CCNY: variants seen among roughly 807,000 people sequenced by gnomAD.
CCNY encodes cyclin Y.
A neutral mutation model predicts 42.8 loss-of-function variants in CCNY; 19 were observed. The observed-to-expected ratio is 0.44, with a 90% CI of 0.31 to 0.65. CCNY has a LOEUF of 0.65. Among genes scored for constraint, CCNY ranks in the 30% least tolerant of loss-of-function variants. The pLI is 0.07. For synonymous variants in CCNY, 165 were observed against 162.7 expected, an observed-to-expected ratio of 1.01 and a Z score of -0.11; for missense variants, 370 against 437.3, an observed-to-expected ratio of 0.85 and a Z score of 1.37.
chr10:35,498,121 C>G (rs376057413), intron 2 of CCNY, among the ~76,000 whole-genome samples: 21 of 152,148 alleles, frequency 1.4e-4, no homozygotes, highest in Admixed American at 7.2e-4. Flanking sequence ...CTTTATCCCC[C>G]CATTCACAAA....
At chr10:35,516,166 C>G (rs1320775157) in intron 3 of CCNY, among the ~76,000 whole-genome samples, 1 of 152,202 alleles carries the variant, frequency 6.6e-6, no homozygotes, top group Non-Finnish European at 1.5e-5. Context: ...AGGCCACCAT[C>G]TAAATTGCAG....
chr10:35,263,376 A>T (rs1005065620), intron 3 of CCNY, among the ~76,000 whole-genome samples: 2 of 149,588 alleles, frequency 1.3e-5, no homozygotes, highest in Non-Finnish European at 3.0e-5. Flanking sequence ...AAAAAAAAAA[A>T]AAAAAAAATT....
At chr10:35,370,175 G>A (rs865962180) in intron 1 of CCNY, among the ~76,000 whole-genome samples, 2 of 148,700 alleles carry the variant, frequency 1.3e-5, no homozygotes, top group South Asian at 2.1e-4. Flanking sequence ...TTTTTGAGAC[G>A]GAGTCTCACA....
At chr10:35,399,354 A>G (rs1205215190) in intron 1 of CCNY, among the ~76,000 whole-genome samples, 1 of 94,172 alleles carries the variant, frequency 1.1e-5, no homozygotes, top group Admixed American at 1.1e-4. Flanking sequence ...CTTCTCGGGG[A>G]CTGGTGTCTT....
intron 1 of CCNY, among the ~76,000 whole-genome samples, chr10:35,442,243 A>C (rs1838687286): frequency 6.6e-6 from 1 of 152,168 alleles, no homozygotes; most frequent in African/African-American, 2.4e-5. Context: ...CCAAGGGCTT[A>C]TGGTGGTGGT....
intron 3 of CCNY, among the ~76,000 whole-genome samples, chr10:35,260,018 A>T (rs867846215): frequency 1.3e-5 from 2 of 152,136 alleles, no homozygotes; most frequent in Non-Finnish European, 1.5e-5. Flanking sequence ...TACCAGGGCC[A>T]GAGAAAGCAC....
intron 1 of CCNY, among the ~76,000 whole-genome samples, chr10:35,397,873 A>G (rs967019914): frequency 5.9e-5 from 9 of 152,154 alleles, no homozygotes; most frequent in Non-Finnish European, 1.3e-4. Flanking sequence ...GAGGACCTTA[A>G]ATTGCCAGTT....
intron 7 of CCNY, among the ~76,000 whole-genome samples, chr10:35,538,063 C>T (rs576333614): frequency 2.2e-4 from 34 of 152,220 alleles, no homozygotes; most frequent in Admixed American, 1.4e-3. Context: ...ATAAGTCTTA[C>T]GAGATCTGAT....
chr10:35,557,660 G>A (rs1334360840), intron 8 of CCNY, among the ~76,000 whole-genome samples: 3 of 152,194 alleles, frequency 2.0e-5, no homozygotes, highest in Admixed American at 2.0e-4. Flanking sequence ...GGAGGCTGAG[G>A]CAGGAGAATC....
intron 3 of CCNY, among the ~76,000 whole-genome samples, chr10:35,299,084 G>T (rs1444258493): frequency 6.6e-6 from 1 of 152,206 alleles, no homozygotes; most frequent in Non-Finnish European, 1.5e-5. Context: ...CAGCAGTGTA[G>T]AAGAGTTCCA....
At chr10:35,254,146 G>A (rs2095713938) in intron 3 of CCNY, among the ~76,000 whole-genome samples, 1 of 152,048 alleles carries the variant, frequency 6.6e-6, no homozygotes, top group African/African-American at 2.4e-5. Flanking sequence ...CAAAGTGCTG[G>A]GATTACAGGC....
chr10:35,567,997 GC>G (rs1554802798), intron 9 of CCNY, among the ~76,000 whole-genome samples: 1 of 152,222 alleles, frequency 6.6e-6, no homozygotes, highest in Non-Finnish European at 1.5e-5. Context: ...GAGAGCATGA[GC>G]CCCCTCTCAG....
intron 1 of CCNY, among the ~76,000 whole-genome samples, chr10:35,416,642 CT>C (rs1178272353): frequency 6.6e-6 from 1 of 152,068 alleles, no homozygotes; most frequent in Non-Finnish European, 1.5e-5. Flanking sequence ...GCTTTCTGTG[CT>C]TTTTTATTAT....
At chr10:35,368,536 G>A (rs576257033) in intron 1 of CCNY, among the ~76,000 whole-genome samples, 15 of 152,288 alleles carry the variant, frequency 9.8e-5, no homozygotes, top group African/African-American at 3.6e-4. Flanking sequence ...GATGTCACAG[G>A]CACACCTCTG....
At chr10:35,462,482 G>A (rs1276045996) in intron 1 of CCNY, among the ~76,000 whole-genome samples, 1 of 152,182 alleles carries the variant, frequency 6.6e-6, no homozygotes, top group Non-Finnish European at 1.5e-5. Flanking sequence ...AGGAAACCAT[G>A]GTGAACTAGC....
At chr10:35,564,345 A>G (rs1841525247) in intron 8 of CCNY, among the ~76,000 whole-genome samples, 2 of 151,956 alleles carry the variant, frequency 1.3e-5, no homozygotes, top group African/African-American at 4.8e-5. Context: ...CACAGGTCCC[A>G]GTGCTCCTTT....
chr10:35,311,292 T>C (rs1835680707), intron 3 of CCNY, among the ~76,000 whole-genome samples: 1 of 152,010 alleles, frequency 6.6e-6, no homozygotes, highest in South Asian at 2.1e-4. Context: ...CACTCCAGCC[T>C]GGGCCACAGA....
intron 1 of CCNY, among the ~76,000 whole-genome samples, chr10:35,369,581 T>C (rs2135171286): frequency 6.6e-6 from 1 of 152,358 alleles, no homozygotes; most frequent in South Asian, 2.1e-4. Context: ...AAAACTACTC[T>C]ATTGAGGCTC....
chr10:35,370,957 C>T (rs1234188734), intron 1 of CCNY, among the ~76,000 whole-genome samples: 1 of 152,152 alleles, frequency 6.6e-6, no homozygotes, highest in African/African-American at 2.4e-5. Flanking sequence ...CCCAGTGATC[C>T]GTCCGCCTCG....
Sources: gnomAD v4.1 joint callset for allele counts (sites outside exome capture counted in the v4.1 genomes callset) on GRCh38, gnomAD v4.1.1 for gene constraint, MANE v1.5 for transcripts, NCBI Gene and HGNC (gene_info 2026-07-23, HGNC 2026-07-21) for gene names.